Variants in CDC45 observed in about 807,000 individuals in gnomAD.
The protein encoded by CDC45 is cell division control protein 45 homolog.
CDC45 carries 54 observed loss-of-function variants against 77.8 expected under a neutral mutation model. The observed-to-expected ratio is 0.69, with a 90% CI of 0.56 to 0.87. The LOEUF (loss-of-function observed/expected upper bound fraction) is 0.87. Among genes scored for constraint, CDC45 ranks in the 40% least tolerant of loss-of-function variants. CDC45 has a pLI of 0.00. For missense variants in CDC45, 649 were observed against 721.6 expected (o/e 0.90, Z 1.15); for synonymous variants, 260 against 272.1 (o/e 0.96, Z 0.44).
chr22:19,487,423 G>A (rs2090087825), intron 5 of CDC45, among the ~76,000 whole-genome samples: 1 of 152,090 alleles, frequency 6.6e-6, no homozygotes, highest in Non-Finnish European at 1.5e-5. Flanking sequence ...CTACTTGGGA[G>A]GCTAGAGTGG....
rs12329947 is a variant in CDC45 at position 19,497,611 on chromosome 22, C to T, written c.653+164C>T. Among the ~76,000 whole-genome samples, 5,482 of 152,282 alleles carry T rather than the reference C, an allele frequency of 0.036. 340 individuals are homozygous for T. Among genetic ancestry groups the T allele is most frequent in the African/African-American group, 0.13 (5,214 of 41,536 alleles). On this transcript the variant is annotated intron_variant, in intron 8 of 18. Coordinates refer to ENST00000263201, the MANE Select transcript of CDC45 (RefSeq NM_003504.5). ...TGTGTGATTTTGGTCTTTTTCCTAA[C>T]TGTGAAGCCCTGGGAGCTTCACACA...
chr22:19,488,586 A>G lies in CDC45; in HGVS notation c.486+4581A>G, dbSNP rs1256721721. ...GCATCCAGTAGCCACAAGGGAGGGG[A>G]CAGGACCCCACCATGCATTGTGGCA... On this transcript the variant is annotated intron_variant, in intron 5 of 18. Transcript: ENST00000263201. Among the ~76,000 whole-genome samples the G allele has an allele frequency of 2.0e-5, 3 of 152,172 alleles. No individual in the cohort carries two copies. The East Asian group carries it at 5.8e-4, about 29-fold the overall frequency.
intron 13 of CDC45, among the ~76,000 whole-genome samples, chr22:19,513,845 G>A (rs13447271): frequency 0.013 from 1,932 of 152,232 alleles, 18 homozygotes; most frequent in Non-Finnish European, 0.021. Flanking sequence ...CAGGCTTCCT[G>A]GAATGACGAT....
In CDC45 at chr22:19,514,781, A is replaced by C; in HGVS notation, c.1250A>C (p.Glu417Ala). The change falls in exon 14 of 19, where the codon GAA (glutamate) becomes GCA (alanine). Residue 417 changes from glutamate (E) to alanine (A), a missense_variant. Physicochemically the swap from Glu to Ala is moderately radical, Grantham distance 107. Coordinates refer to ENST00000263201, the MANE Select transcript of CDC45 (RefSeq NM_003504.5). ...SNLDKLYHGL[E>A]LAKKQLRATQ... ...CTGGACAAGCTGTACCATGGCCTGG[A>C]ACTCGCCAAGAAGCAGCTGCGAGCC... 6.2e-7 allele frequency: 1 copy of C among 1,613,756 alleles called. No individual in the cohort carries two copies. Among genetic ancestry groups the C allele is most frequent in the East Asian group, 2.2e-5 (1 of 44,882 alleles).
chr22:19,507,089 A>G (rs1390868606), intron 10 of CDC45, among the ~76,000 whole-genome samples: 1 of 152,094 alleles, frequency 6.6e-6, no homozygotes, highest in Non-Finnish European at 1.5e-5. Flanking sequence ...CTCCTACGTC[A>G]TGTGTGGCCA....
chr22:19,494,402 T>C lies in CDC45; in HGVS notation c.542+20T>C, dbSNP rs921915857. 15 of 1,612,736 alleles carry C rather than the reference T, an allele frequency of 9.3e-6. No homozygotes were observed. Among genetic ancestry groups the C allele is most frequent in the Non-Finnish European group, 1.3e-5 (15 of 1,179,346 alleles). ...CCGGAGGTGAGTCTGTGCTTCCAGCTGCTCCCAGCACCAGAAGCCCACTTG... is the reference window on the plus strand; with the variant it reads ...CCGGAGGTGAGTCTGTGCTTCCAGCCGCTCCCAGCACCAGAAGCCCACTTG... On this transcript the variant is annotated intron_variant, in intron 6 of 18. Coordinates refer to ENST00000263201, the MANE Select transcript of CDC45 (RefSeq NM_003504.5).
Position 19,508,646 on chromosome 22 carries a change from G to A in CDC45, c.1172G>A (p.Gly391Asp). The A allele has an allele frequency of 1.2e-6, 2 of 1,614,224 alleles. No individual in the cohort carries two copies. Among genetic ancestry groups the A allele is most frequent in the Non-Finnish European group, 8.5e-7 (1 of 1,180,034 alleles). ...MSLMESPEKDGSGTDHFIQAL... is the reference protein window; with the variant it reads ...MSLMESPEKDDSGTDHFIQAL... Reference sequence around the variant, plus strand: ...TTGATGGAGAGCCCCGAGAAGGATGGCTCAGGGACAGATCACTTCATCCAG... The same window carrying A: ...TTGATGGAGAGCCCCGAGAAGGATGACTCAGGGACAGATCACTTCATCCAG... The change falls in exon 13 of 19, where the codon GGC becomes GAC. Residue 391 changes from glycine (G) to aspartate (D), a missense_variant. By Grantham distance (94) the Gly-to-Asp change is moderately conservative (BLOSUM62 -1). Coordinates refer to ENST00000263201, the MANE Select transcript of CDC45 (RefSeq NM_003504.5).
intron 5 of CDC45, among the ~76,000 whole-genome samples, chr22:19,494,007 T>C (rs1251572708): frequency 6.6e-6 from 1 of 152,196 alleles, no homozygotes; most frequent in East Asian, 1.9e-4. Context: ...GGTGTGAGCT[T>C]ACCTTGGATC....
intron 12 of CDC45, among the ~76,000 whole-genome samples, chr22:19,508,098 T>TTAGGATCCTAGGATCC (rs1933303939): frequency 2.0e-5 from 3 of 152,090 alleles, no homozygotes; most frequent in Admixed American, 6.5e-5. Context: ...CTTGTGAGGT[T>TTAGGATCCTAGGATCC]TAGGATCCTA....
chr22:19,482,862 C>T (rs1441655733), intron 4 of CDC45, 35 bp downstream of exon 4: 1 of 1,602,496 alleles, frequency 6.2e-7, no homozygotes, highest in East Asian at 2.2e-5. Context: ...ACTGTCTGTA[C>T]TTTTTATGCC....
intron 9 of CDC45, among the ~76,000 whole-genome samples, chr22:19,500,849 T>G (rs1420212280): frequency 6.6e-6 from 1 of 152,202 alleles, no homozygotes; most frequent in Non-Finnish European, 1.5e-5. Context: ...GGTCTGTTAC[T>G]GCACAGTGGA....
intron 9 of CDC45, among the ~76,000 whole-genome samples, chr22:19,502,795 C>G (rs1259070622): frequency 1.1e-4 from 17 of 152,180 alleles, no homozygotes; most frequent in East Asian, 1.9e-4. Flanking sequence ...ACTGGCTGAG[C>G]TGTATAAGCA....
intron 5 of CDC45, among the ~76,000 whole-genome samples, chr22:19,490,920 C>A (rs556124745): frequency 6.6e-6 from 1 of 151,170 alleles, no homozygotes; most frequent in East Asian, 2.0e-4. Flanking sequence ...CTCTACCTCT[C>A]GGGTTCAAGC....
At chr22:19,492,161 C>A (rs2090163342) in intron 5 of CDC45, among the ~76,000 whole-genome samples, 1 of 152,104 alleles carries the variant, frequency 6.6e-6, no homozygotes, top group Non-Finnish European at 1.5e-5. Context: ...AGTGTGTTTT[C>A]AGTGCACCCT....
chr22:19,481,354 T>C (rs1233722891), intron 3 of CDC45, among the ~76,000 whole-genome samples: 1 of 152,156 alleles, frequency 6.6e-6, no homozygotes, highest in Admixed American at 6.5e-5. Flanking sequence ...GTTAAAATTA[T>C]TTTATTTTAT....
chr22:19,483,717 G>C (rs2090020916), intron 4 of CDC45, 145 bp from the exon 5 acceptor site: 2 of 746,122 alleles, frequency 2.7e-6, no homozygotes, highest in Non-Finnish European at 4.3e-6. Context: ...TTAGAAGCCT[G>C]GAACTCTTGT....
At chr22:19,486,399 A>G (rs1482904980) in intron 5 of CDC45, among the ~76,000 whole-genome samples, 1 of 152,228 alleles carries the variant, frequency 6.6e-6, no homozygotes. Context: ...CAAGATTAAG[A>G]CATTTAGCTA....
intron 10 of CDC45, among the ~76,000 whole-genome samples, chr22:19,506,137 G>T (rs1318330665): frequency 6.6e-6 from 1 of 152,234 alleles, no homozygotes. Context: ...CCAAACTGCA[G>T]CAGTGGCTGT....
intron 13 of CDC45, among the ~76,000 whole-genome samples, chr22:19,513,589 C>T (rs1933628406): frequency 6.6e-6 from 1 of 152,174 alleles, no homozygotes; most frequent in Non-Finnish European, 1.5e-5. Flanking sequence ...ACCTGCTTTC[C>T]ACTGTCCCCA....
Sources: allele counts gnomAD v4.1 joint callset (sites outside exome capture counted in the v4.1 genomes callset), GRCh38; gene constraint gnomAD v4.1.1; transcripts MANE v1.5; gene names NCBI Gene and HGNC (gene_info 2026-07-23, HGNC 2026-07-21).